The following RIF1 variants were observed in gnomAD, a reference collection of about 807,000 sequenced individuals.
RIF1 encodes telomere-associated protein RIF1.
RIF1 carries 45 observed loss-of-function variants against 247.1 expected under a neutral mutation model. That is an observed-to-expected ratio of 0.18 (90% CI 0.14 to 0.23). RIF1 has a LOEUF of 0.23. Among genes scored for constraint, RIF1 ranks in the 10% least tolerant of loss-of-function variants. The probability of loss-of-function intolerance (pLI) is 1.00; values close to 1 mark genes in which losing one functional copy is unlikely to be tolerated. For missense variants in RIF1, 2,967 were observed against 2,862.5 expected, an observed-to-expected ratio of 1.04 and a Z score of -0.83; for synonymous variants, 1,087 against 978.8, an observed-to-expected ratio of 1.11 and a Z score of -2.06.
chr2:151,476,955 T>G lies in RIF1; in HGVS notation c.*1884T>G, dbSNP rs2048959302. On this transcript the variant is annotated 3_prime_UTR_variant, in exon 36 of 36. Coordinates refer to ENST00000444746, the MANE Select transcript of RIF1 (RefSeq NM_018151.5). Reference sequence around the variant, plus strand: ...GTTTGTGTGAACTAAACTTGCTGATTGAATGAAATTCTTGGGAAGCCGAAC... The same window carrying G: ...GTTTGTGTGAACTAAACTTGCTGATGGAATGAAATTCTTGGGAAGCCGAAC... 7.0e-6 allele frequency: 1 copy of G among 143,800 alleles called. No individual in the cohort carries two copies. The highest frequency in any genetic ancestry group is 2.5e-5 in the African/African-American group (1 of 40,778). The allele number at this position is 143,800 out of a possible 1,614,324, so 8.9% of individuals were successfully genotyped here.
At chr2:151,474,520 AC>A (rs1182490560) in intron 35 of RIF1, among the ~76,000 whole-genome samples, 3 of 152,176 alleles carry the variant, frequency 2.0e-5, no homozygotes, top group African/African-American at 7.2e-5. Flanking sequence ...TACTAAAAAT[AC>A]AAAAAATAGC....
intron 4 of RIF1, 145 bp from the exon 5 acceptor site, chr2:151,416,416 G>T: frequency 1.5e-6 from 1 of 684,554 alleles, no homozygotes; most frequent in Non-Finnish European, 2.3e-6. Flanking sequence ...GGAGAAGTTT[G>T]GTATCAGCAT....
intron 9 of RIF1, among the ~76,000 whole-genome samples, chr2:151,432,875 T>C (rs568709495): frequency 6.7e-4 from 102 of 152,362 alleles, no homozygotes; most frequent in Admixed American, 3.8e-3. Flanking sequence ...ATTTTTGATT[T>C]ATTGAGTGTT....
Position 151,478,844 on chromosome 2 carries a change from A to T in RIF1, c.*3773A>T, listed in dbSNP as rs1232185021. The T allele has an allele frequency of 1.3e-5, 2 of 152,222 alleles. No individual in the cohort carries two copies. The allele number at this position is 152,222 out of a possible 1,614,324, so 9.4% of individuals were successfully genotyped here. A position where few individuals can be genotyped will look rare whatever the true frequency, so the allele number is the denominator to read the frequency against. ...TTGTCATTCAGCCTAGGAGGCTATA[A>T]AACAGCAGTTAGTTGGCATTATTAG... On this transcript the variant is annotated 3_prime_UTR_variant, in exon 36 of 36. Transcript: ENST00000444746.
At position 151,500,425 on chromosome 2, in the gene RIF1, C is replaced by G. The variant is rs111462227; in HGVS notation, c.*709+885C>G. On this transcript the variant is annotated intron_variant and NMD_transcript_variant, in intron 11 of 13. Transcript: ENST00000454583. Reference sequence around the variant, plus strand: ...AGAAGCTTCAGAGTTGTATATAATACACAAATAATTTGTGTGTTAGAGTTT... The same window carrying G: ...AGAAGCTTCAGAGTTGTATATAATAGACAAATAATTTGTGTGTTAGAGTTT... Among the ~76,000 whole-genome samples, 124 of 151,046 alleles carry G rather than the reference C, an allele frequency of 8.2e-4. 1 individual carries two copies. The highest frequency in any genetic ancestry group is 2.9e-3 in the African/African-American group (121 of 41,224).
At chr2:151,443,909 A>T (rs1168455715) in intron 18 of RIF1, among the ~76,000 whole-genome samples, 200 bp downstream of exon 18, 2 of 152,220 alleles carry the variant, frequency 1.3e-5, no homozygotes, top group African/African-American at 2.4e-5. Flanking sequence ...AATGGGGACT[A>T]ATCAGCTTCA....
Position 151,463,827 on chromosome 2 carries a change from A to T in RIF1, c.4307A>T (p.Asn1436Ile), listed in dbSNP as rs1052039338. The change falls in exon 30 of 36, where the codon AAT becomes ATT. Residue 1436 changes from asparagine (N) to isoleucine (I), a missense_variant. Physicochemically the swap from Asn to Ile is moderately radical, Grantham distance 149. Coordinates refer to ENST00000444746, the MANE Select transcript of RIF1 (RefSeq NM_018151.5). ...ESTTESQDKENSHQKKERRKE... is the reference protein window; with the variant it reads ...ESTTESQDKEISHQKKERRKE... ...ACCACTGAAAGCCAAGATAAGGAAA[A>T]TAGTCATCAAAAAAAGGAACGACGT... is the stretch of plus-strand genomic sequence containing the variant. 2.5e-6 allele frequency: 4 copies of T among 1,611,862 alleles called. No homozygotes were observed. The African/African-American group carries it at 5.4e-5, about 22-fold the overall frequency.
At chr2:151,454,538 C>T (rs1694883020) in intron 21 of RIF1, among the ~76,000 whole-genome samples, 1 of 152,024 alleles carries the variant, frequency 6.6e-6, no homozygotes, top group South Asian at 2.1e-4. Flanking sequence ...TGGAACCTAT[C>T]TTATGTAATT....
Position 151,476,598 on chromosome 2 carries a change from T to TC in RIF1, c.*1527_*1528insC, listed in dbSNP as rs2048941703. The TC allele has an allele frequency of 6.6e-6, 1 of 152,212 alleles. No individual in the cohort carries two copies. Among genetic ancestry groups the TC allele is most frequent in the Non-Finnish European group, 1.5e-5 (1 of 68,024 alleles). The allele number at this position is 152,212 out of a possible 1,614,324, so 9.4% of individuals were successfully genotyped here. A position where few individuals can be genotyped will look rare whatever the true frequency, so the allele number is the denominator to read the frequency against. On this transcript the variant is annotated 3_prime_UTR_variant, in exon 36 of 36. Coordinates refer to ENST00000444746, the MANE Select transcript of RIF1 (RefSeq NM_018151.5). ...AAGTTGGTGTCTTTTTTCATCATCA[T>TC]AAATTCATCATAATCACAGATATTT...
At chr2:151,532,993 A>G in the RIF1 span, among the ~76,000 whole-genome samples, 1 of 152,176 alleles carries the variant, frequency 6.6e-6, no homozygotes, top group East Asian at 1.9e-4. Context: ...AATATATACA[A>G]TATTCATAGA....
chr2:151,410,301 TG>T, intron 1 of RIF1, 112 bp from the exon 2 acceptor site: 1 of 785,326 alleles, frequency 1.3e-6, no homozygotes, highest in Non-Finnish European at 2.1e-6. Flanking sequence ...AGACGCGGCG[TG>T]GCTGTGAGGC....
intron 7 of RIF1, 100 bp from the exon 8 acceptor site, chr2:151,422,850 C>T (rs1180603915): frequency 3.0e-6 from 2 of 661,036 alleles, no homozygotes; most frequent in South Asian, 3.6e-5. Context: ...ATGGAGAAAA[C>T]TATTTGGTTG....
chr2:151,429,363 T>C (rs1397261514), intron 9 of RIF1, among the ~76,000 whole-genome samples: 1 of 152,116 alleles, frequency 6.6e-6, no homozygotes, highest in Non-Finnish European at 1.5e-5. Flanking sequence ...GCATTTTTAG[T>C]AGAGACAGGG....
chr2:151,524,332 C>G, the RIF1 span: 1 of 1,613,890 alleles, frequency 6.2e-7, no homozygotes. Flanking sequence ...GCTTGGCTGC[C>G]TTCTTGGCCA....
the RIF1 span, among the ~76,000 whole-genome samples, chr2:151,517,675 C>T: frequency 6.6e-6 from 1 of 152,134 alleles, no homozygotes; most frequent in Non-Finnish European, 1.5e-5. Flanking sequence ...AGGCTAGAAA[C>T]CTGTACAGCA....
intron 9 of RIF1, chr2:151,492,548 A>C (rs184287699): frequency 7.5e-7 from 1 of 1,335,382 alleles, no homozygotes; most frequent in Non-Finnish European, 1.1e-6. Context: ...TGAAACCTCA[A>C]AGCCTTTCCA....
chr2:151,497,235 C>A, intron 10 of RIF1: 3 of 816,498 alleles, frequency 3.7e-6, no homozygotes, highest in Non-Finnish European at 4.4e-6. Context: ...TCTAGAGAAG[C>A]AGGGACCTCA....
intron 3 of RIF1, among the ~76,000 whole-genome samples, chr2:151,413,874 G>T (rs1333703741): frequency 2.0e-5 from 3 of 152,222 alleles, no homozygotes; most frequent in Non-Finnish European, 4.4e-5. Context: ...AGATATGGGG[G>T]TTTTGAAGAT....
In RIF1 at chr2:151,480,007, G is replaced by A. The variant is rs1475047326; in HGVS notation, c.*4936G>A. 1 of 152,132 alleles carries A rather than the reference G, an allele frequency of 6.6e-6. No individual in the cohort carries two copies. The highest frequency in any genetic ancestry group is 2.4e-5 in the African/African-American group (1 of 41,442). The allele number at this position is 152,132 out of a possible 1,614,324, so 9.4% of individuals were successfully genotyped here. A position where few individuals can be genotyped will look rare whatever the true frequency, so the allele number is the denominator to read the frequency against. On this transcript the variant is annotated 3_prime_UTR_variant, in exon 36 of 36. Transcript: ENST00000444746. ...AGATCTATAAATATTTAATATAGTA[G>A]TCTAAACAGTTGTGAGAATTTACTC...
Sources: gnomAD v4.1 joint callset for allele counts (sites outside exome capture counted in the v4.1 genomes callset) on GRCh38, gnomAD v4.1.1 for gene constraint, MANE v1.5 for transcripts, NCBI Gene and HGNC (gene_info 2026-07-23, HGNC 2026-07-21) for gene names.